DNAJC17: variants seen among roughly 807,000 people sequenced by gnomAD.
DNAJC17 encodes the protein DnaJ heat shock protein family (Hsp40) member C17, also known as dnaJ homolog subfamily C member 17.
In DNAJC17, 35 loss-of-function variants were observed where a neutral mutation model predicts 48.1. The ratio of observed to expected loss-of-function variants is 0.73; its 90% CI spans 0.56 to 0.96. DNAJC17 has a LOEUF of 0.96. DNAJC17 is among the 50% of genes least tolerant of loss of function. The pLI is 0.00. For synonymous variants in DNAJC17, 117 were observed against 142.7 expected (o/e 0.82, Z 1.28); for missense variants, 355 against 377.1 (o/e 0.94, Z 0.48).
In DNAJC17 at chr15:40,767,003, C is replaced by G; in HGVS notation, c.*937G>C. The G allele has an allele frequency of 2.6e-6, 1 of 390,174 alleles. No homozygotes were observed. Among genetic ancestry groups the G allele is most frequent in the South Asian group, 9.3e-5 (1 of 10,780 alleles). 24.2% of individuals were successfully genotyped at this position (390,174 alleles called of 1,614,324 possible). ...TTTTCTCATCTATCAATGGCCACAA[C>G]AGTGGCACCTTCACTAGCTTGTTGG... On this transcript the variant is annotated 3_prime_UTR_variant, in exon 11 of 11. Transcript: ENST00000220496.
At chr15:40,788,191 T>C (rs1173027320) in intron 1 of DNAJC17, among the ~76,000 whole-genome samples, 3 of 152,224 alleles carry the variant, frequency 2.0e-5, no homozygotes, top group East Asian at 3.9e-4. Flanking sequence ...ATCCCCTCAC[T>C]AGCAGGAACC....
chr15:40,770,723 G>C lies in DNAJC17; in HGVS notation c.793-2661C>G. On this transcript the variant is annotated intron_variant, in intron 10 of 10. Transcript: ENST00000220496. This position sits in a 1 kb window ranked among gnomAD's most constrained non-coding sequence, Gnocchi z 5.0. ...GGGACGAGCAGCCCCGGGCCACCCT[G>C]CTGGCCCCACCCAAGCCCCCACGCC... The C allele has an allele frequency of 6.5e-7, 1 of 1,545,928 alleles. No homozygotes were observed. The highest frequency in any genetic ancestry group is 1.4e-5 in the African/African-American group (1 of 73,144).
At chr15:40,781,143 C>G (rs1368225363) in intron 1 of DNAJC17, among the ~76,000 whole-genome samples, 2 of 126,216 alleles carry the variant, frequency 1.6e-5, no homozygotes, top group Admixed American at 8.5e-5. Flanking sequence ...AAGAGCGAGA[C>G]TCCATCTCAG....
At chr15:40,775,681 G>A (rs557842485) in intron 6 of DNAJC17, 85 bp from the exon 7 acceptor site, 2 of 1,406,762 alleles carry the variant, frequency 1.4e-6, no homozygotes, top group African/African-American at 2.8e-5. Flanking sequence ...AGCAAGAAGG[G>A]TCTGGAAAGG....
chr15:40,800,350 G>A (rs1252146423), intron 1 of DNAJC17, among the ~76,000 whole-genome samples: 1 of 152,176 alleles, frequency 6.6e-6, no homozygotes, highest in Non-Finnish European at 1.5e-5. Context: ...TTACAGGCGT[G>A]TGCCACCGCA....
At chr15:40,804,100 G>C (rs930122835) in intron 1 of DNAJC17, among the ~76,000 whole-genome samples, 7 of 151,698 alleles carry the variant, frequency 4.6e-5, no homozygotes, top group African/African-American at 1.7e-4. Flanking sequence ...CCATGTAGCG[G>C]GGACTACAGG....
intron 10 of DNAJC17, chr15:40,772,449 A>G (rs1596074228): frequency 6.0e-6 from 1 of 167,148 alleles, no homozygotes; most frequent in Admixed American, 6.5e-5. Context: ...TTCTAACACA[A>G]TCTATGGAGT....
chr15:40,793,061 T>A (rs1387877767), intron 1 of DNAJC17, among the ~76,000 whole-genome samples: 2 of 151,738 alleles, frequency 1.3e-5, no homozygotes, highest in Non-Finnish European at 2.9e-5. Context: ...CCTGGCTAAT[T>A]TTTTTGTATT....
At chr15:40,807,327 G>T in intron 1 of DNAJC17, 42 bp downstream of exon 1, 4 of 1,614,216 alleles carry the variant, frequency 2.5e-6, no homozygotes, top group South Asian at 1.1e-5. Context: ...AGGAAGGACC[G>T]CCAGACCTCT....
In DNAJC17 at chr15:40,767,124, A is replaced by T; in HGVS notation, c.*816T>A. On this transcript the variant is annotated 3_prime_UTR_variant, in exon 11 of 11. Transcript: ENST00000220496. ...GCCCAGCAAGCAGCCAGCAAGTGTG[A>T]GTCACTACAAGAGTGGCCAGGCTGC... The T allele has an allele frequency of 8.1e-7, 1 of 1,231,154 alleles. No homozygotes were observed. Among genetic ancestry groups the T allele is most frequent in the Non-Finnish European group, 1.1e-6 (1 of 926,320 alleles). 76.3% of individuals were successfully genotyped at this position (1,231,154 alleles called of 1,614,324 possible).
At chr15:40,784,673 C>G (rs1889593905) in intron 1 of DNAJC17, among the ~76,000 whole-genome samples, 1 of 152,176 alleles carries the variant, frequency 6.6e-6, no homozygotes, top group Non-Finnish European at 1.5e-5. Context: ...CCCACCCATG[C>G]CATCAAAGGC....
At position 40,773,872 on chromosome 15, in the gene DNAJC17, T is replaced by C. The variant is rs1889235303; in HGVS notation, c.682-35A>G. 2.5e-6 allele frequency: 4 copies of C among 1,581,582 alleles called. No homozygotes were observed. In the African/African-American group the frequency reaches 4.1e-5, roughly 16 times the overall value. Reference sequence around the variant, plus strand: ...ACAGCATCTAGTCCTGTCCCATCCGTTGAGTCAGCTATAAAGAGGCTCTCT... The same window carrying C: ...ACAGCATCTAGTCCTGTCCCATCCGCTGAGTCAGCTATAAAGAGGCTCTCT... On this transcript the variant is annotated intron_variant, in intron 9 of 10. Coordinates refer to ENST00000220496, the MANE Select transcript of DNAJC17 (RefSeq NM_018163.3).
At chr15:40,801,134 A>G (rs1890063840) in intron 1 of DNAJC17, among the ~76,000 whole-genome samples, 1 of 152,166 alleles carries the variant, frequency 6.6e-6, no homozygotes, top group African/African-American at 2.4e-5. Context: ...CATTCATTCA[A>G]CAAATACTTA....
chr15:40,776,426 C>T (rs757736399), intron 5 of DNAJC17, 116 bp downstream of exon 5: 8 of 1,460,756 alleles, frequency 5.5e-6, no homozygotes. Flanking sequence ...AATCACCCAG[C>T]TCCCACTGAA....
rs767302364 is a variant in DNAJC17 at position 40,776,544 on chromosome 15, C to T, written c.379G>A (p.Glu127Lys). The stretch of plus-strand genomic sequence containing the variant: ...GGCCAGTGTGCCTGAGTGCTCACCT[C>T]TTGCTCTAGTGTCCTGGTGCTCCGG... ...ESRSTRTLEQ[E>K]IERLREEGSR... The change falls in exon 5 of 11, where the codon GAG becomes AAG. Residue 127 changes from glutamate (E) to lysine (K), a missense_variant and splice_region_variant. Around this residue, in one of 3 missense-constraint regions of DNAJC17, gnomAD observed 199 missense variants for 199.9 expected, o/e 1.00. Transcript: ENST00000220496. 5 of 1,614,072 alleles carry T rather than the reference C, an allele frequency of 3.1e-6. No individual in the cohort carries two copies. Among genetic ancestry groups the T allele is most frequent in the Middle Eastern group, 1.6e-4 (1 of 6,062 alleles).
chr15:40,787,234 T>G (rs1439729276), intron 1 of DNAJC17, among the ~76,000 whole-genome samples: 1 of 152,138 alleles, frequency 6.6e-6, no homozygotes, highest in Non-Finnish European at 1.5e-5. Context: ...ACAAATAAAG[T>G]GGATGTACTT....
At chr15:40,804,664 C>T (rs1367350276) in intron 1 of DNAJC17, among the ~76,000 whole-genome samples, 1 of 152,162 alleles carries the variant, frequency 6.6e-6, no homozygotes, top group Admixed American at 6.5e-5. Context: ...TAGAGAATGA[C>T]TTCCAACTGA....
chr15:40,803,152 A>C (rs1255966282), intron 1 of DNAJC17, among the ~76,000 whole-genome samples: 3 of 53,546 alleles, frequency 5.6e-5, no homozygotes, highest in Admixed American at 2.5e-4. Flanking sequence ...GAATAAATAC[A>C]AAAAAAAAAA....
chr15:40,768,196 C>G, intron 10 of DNAJC17, 134 bp from the exon 11 acceptor site: 1 of 1,235,922 alleles, frequency 8.1e-7, no homozygotes, highest in South Asian at 2.0e-5. Context: ...GGAAGGAACC[C>G]GGAGCATCCT....
Sources: gnomAD v4.1 joint callset for allele counts (sites outside exome capture counted in the v4.1 genomes callset) on GRCh38, gnomAD v4.1.1 for gene constraint, gnomAD v4.1.1 regional missense constraint, Gnocchi (gnomAD v3.1) non-coding constraint, MANE v1.5 for transcripts, NCBI Gene and HGNC (gene_info 2026-07-23, HGNC 2026-07-21) for gene names.